OPRM1: variants seen among roughly 807,000 people sequenced by gnomAD.
OPRM1 encodes mu-type opioid receptor.
In OPRM1, 27 loss-of-function variants were observed where a neutral mutation model predicts 31.8. The observed-to-expected ratio is 0.85, with a 90% CI of 0.63 to 1.17. The LOEUF (loss-of-function observed/expected upper bound fraction) is 1.17, where lower values mean the gene tolerates loss of function less well. Among genes scored for constraint, OPRM1 ranks in the 50% most tolerant of loss-of-function variants. The probability of loss-of-function intolerance (pLI) is 0.00; values close to 1 mark genes in which losing one functional copy is unlikely to be tolerated. For missense variants in OPRM1, 536 were observed against 511.1 expected (o/e 1.05, Z -0.47); for synonymous variants, 196 against 189.9 (o/e 1.03, Z -0.26).
chr6:154,033,410 C>T (rs943365693), intron 1 of OPRM1, among the ~76,000 whole-genome samples: 4 of 152,064 alleles, frequency 2.6e-5, no homozygotes, highest in African/African-American at 9.7e-5. Flanking sequence ...GGTATTAACA[C>T]CAACGAGAGT....
intron 3 of OPRM1, among the ~76,000 whole-genome samples, chr6:154,201,715 C>T (rs753205797): frequency 2.8e-4 from 42 of 152,146 alleles, no homozygotes; most frequent in Non-Finnish European, 4.7e-4. Context: ...GCCAACATGG[C>T]GAAACCCCGT....
At chr6:154,066,521 C>T in intron 1 of OPRM1, among the ~76,000 whole-genome samples, 1 of 151,412 alleles carries the variant, frequency 6.6e-6, no homozygotes, top group African/African-American at 2.4e-5. Flanking sequence ...CCTCCCATCC[C>T]CCCCAAAAAA....
At chr6:154,081,523 G>GAAAGAAAAGA (rs145992989) in intron 1 of OPRM1, among the ~76,000 whole-genome samples, 2 of 151,632 alleles carry the variant, frequency 1.3e-5, no homozygotes, top group African/African-American at 4.9e-5. Flanking sequence ...ATAAATAAAT[G>GAAAGAAAAGA]AAAGAAAAGA....
At chr6:154,180,497 T>C (rs1800772059) in intron 3 of OPRM1, among the ~76,000 whole-genome samples, 1 of 151,632 alleles carries the variant, frequency 6.6e-6, no homozygotes, top group Non-Finnish European at 1.5e-5. Context: ...ATAAGTTCAC[T>C]CCTTTCCAAG....
chr6:154,153,711 G>A (rs1328657263), intron 3 of OPRM1, among the ~76,000 whole-genome samples: 1 of 151,248 alleles, frequency 6.6e-6, no homozygotes, highest in Non-Finnish European at 1.5e-5. Context: ...AGCCCCAGGA[G>A]GAGGCGAGGA....
intron 1 of OPRM1, among the ~76,000 whole-genome samples, chr6:154,022,176 T>C (rs551587624): frequency 6.6e-6 from 1 of 152,364 alleles, no homozygotes; most frequent in Non-Finnish European, 1.5e-5. Context: ...CTGAGAGTTC[T>C]GATCATGAAT....
intron 3 of OPRM1, among the ~76,000 whole-genome samples, chr6:154,162,290 T>G (rs1399049626): frequency 2.0e-5 from 3 of 152,202 alleles, no homozygotes; most frequent in African/African-American, 7.2e-5. Flanking sequence ...TTCTTGCATG[T>G]TAAAATTCCT....
downstream of OPRM1, among the ~76,000 whole-genome samples, chr6:154,134,350 T>C (rs1158666486): frequency 6.6e-6 from 1 of 152,222 alleles, no homozygotes; most frequent in Non-Finnish European, 1.5e-5. Context: ...AGATACTTCT[T>C]TCTGATGCAT....
At chr6:154,223,363 C>T (rs1779013310) in intron 3 of OPRM1, 2 of 766,508 alleles carry the variant, frequency 2.6e-6, no homozygotes, top group Non-Finnish European at 4.4e-6. Flanking sequence ...CAAGAGATAC[C>T]AACCACCCTG....
chr6:154,115,936 T>C (rs1796830542), intron 3 of OPRM1, among the ~76,000 whole-genome samples: 1 of 152,246 alleles, frequency 6.6e-6, no homozygotes, highest in Admixed American at 6.5e-5. Flanking sequence ...TTAGTAGGCA[T>C]GCCCACATTG....
rs1447739277 is a variant in OPRM1 at position 154,039,274 on chromosome 6, C to T, written c.-271C>T. The T allele has an allele frequency of 6.4e-7, 1 of 1,551,674 alleles. No individual in the cohort carries two copies. The highest frequency in any genetic ancestry group is 8.7e-7 in the Non-Finnish European group (1 of 1,146,960). On this transcript the variant is annotated 5_prime_UTR_variant, in exon 1 of 4. Transcript: ENST00000330432. ...TTCCAGCCTCCGAATCCCGCATGGC[C>T]CACGCTCCCCTCCTGCAGCGGTGCG...
chr6:154,014,678 A>T (rs2128377046), intron 1 of OPRM1, among the ~76,000 whole-genome samples: 1 of 152,230 alleles, frequency 6.6e-6, no homozygotes, highest in East Asian at 1.9e-4. Context: ...CCTTTCATTT[A>T]TGTGGTATAT....
intron 3 of OPRM1, among the ~76,000 whole-genome samples, chr6:154,146,449 A>G (rs1419454778): frequency 1.3e-5 from 2 of 152,236 alleles, no homozygotes; most frequent in Non-Finnish European, 2.9e-5. Flanking sequence ...ACCTACTTTG[A>G]TCAATAATTT....
At chr6:154,045,529 C>T (rs567479493) in intron 1 of OPRM1, among the ~76,000 whole-genome samples, 3 of 152,154 alleles carry the variant, frequency 2.0e-5, no homozygotes, top group Non-Finnish European at 2.9e-5. Context: ...GTGCTGTCCC[C>T]AAGGGACCAC....
intron 3 of OPRM1, among the ~76,000 whole-genome samples, chr6:154,092,404 A>G (rs752526138): frequency 6.6e-6 from 1 of 152,252 alleles, no homozygotes; most frequent in African/African-American, 2.4e-5. Flanking sequence ...TGATGCCAGC[A>G]TCCAAAAATC....
At chr6:154,210,212 G>C (rs558035351) in intron 3 of OPRM1, among the ~76,000 whole-genome samples, 18 of 152,190 alleles carry the variant, frequency 1.2e-4, no homozygotes, top group African/African-American at 3.9e-4. Flanking sequence ...GTGTGTTCTA[G>C]ATGCCTGACA....
intron 1 of OPRM1, among the ~76,000 whole-genome samples, chr6:154,042,887 C>A (rs1231003493): frequency 6.6e-6 from 1 of 151,942 alleles, no homozygotes. Flanking sequence ...CAGTAGCAAT[C>A]ACTTAAAATG....
At chr6:154,117,255 T>C (rs1167785728) in intron 3 of OPRM1, among the ~76,000 whole-genome samples, 2 of 152,228 alleles carry the variant, frequency 1.3e-5, no homozygotes, top group African/African-American at 4.8e-5. Flanking sequence ...TTGTTGTCTG[T>C]CTTGGCACCC....
intron 1 of OPRM1, among the ~76,000 whole-genome samples, chr6:154,086,281 T>C (rs1790548589): frequency 6.6e-6 from 1 of 152,232 alleles, no homozygotes; most frequent in Non-Finnish European, 1.5e-5. Flanking sequence ...CTTTTATATG[T>C]TGCTGTGATC....
Sources: gnomAD v4.1 joint callset for allele counts (sites outside exome capture counted in the v4.1 genomes callset) on GRCh38, gnomAD v4.1.1 for gene constraint, MANE v1.5 for transcripts, NCBI Gene and HGNC (gene_info 2026-07-23, HGNC 2026-07-21) for gene names.